The following ZMYM5 variants were observed in gnomAD, a reference collection of about 807,000 sequenced individuals.
ZMYM5 encodes the protein zinc finger MYM-type containing 5, also known as zinc finger MYM-type protein 5.
ZMYM5 carries 41 observed loss-of-function variants against 61.8 expected under a neutral mutation model. The observed-to-expected ratio is 0.66, with a 90% CI of 0.52 to 0.86. The LOEUF is 0.86. ZMYM5 is among the 40% of genes least tolerant of loss of function. ZMYM5 has a pLI of 0.00. For missense variants in ZMYM5, 706 were observed against 786.7 expected (o/e 0.90, Z 1.23); for synonymous variants, 257 against 276.4 (o/e 0.93, Z 0.70).
chr13:19,851,447 G>A lies in ZMYM5; in HGVS notation c.494C>T (p.Thr165Ile). The change falls in exon 4 of 8, where the codon ACC becomes ATC. Residue 165 changes from threonine to isoleucine, a missense_variant and splice_region_variant. Physicochemically the swap from Thr to Ile is moderately conservative, Grantham distance 89. Transcript: ENST00000337963. ...FSTSSLSRSK[T>I]KTGVRPFNPG... ...GTTAAAAGGTCTTACTCCAGTCTTG[G>A]TCTGTGGAGTTAAAGATGGGGTGTA... 6.2e-7 allele frequency: 1 copy of A among 1,613,858 alleles called. No individual in the cohort carries two copies. The highest frequency in any genetic ancestry group is 8.5e-7 in the Non-Finnish European group (1 of 1,179,854).
intron 2 of ZMYM5, among the ~76,000 whole-genome samples, chr13:19,862,148 A>T (rs975230222): frequency 2.6e-5 from 4 of 152,292 alleles, no homozygotes; most frequent in Admixed American, 6.5e-5. Context: ...AATTCAAGGC[A>T]CTTAAAAGAG....
chr13:19,838,659 G>C, intron 5 of ZMYM5, 41 bp downstream of exon 5: 1 of 1,598,672 alleles, frequency 6.3e-7, no homozygotes, highest in Non-Finnish European at 8.6e-7. Flanking sequence ...TATACCATTA[G>C]TATTCAACTA....
chr13:19,824,801 A>C lies in ZMYM5; in HGVS notation c.1686T>G (p.Thr562=). The C allele has an allele frequency of 7.4e-7, 1 of 1,353,654 alleles. No homozygotes were observed. The highest frequency in any genetic ancestry group is 9.9e-7 in the Non-Finnish European group (1 of 1,014,058). 83.9% of individuals were successfully genotyped at this position (1,353,654 alleles called of 1,614,324 possible). A position where few individuals can be genotyped will look rare whatever the true frequency, so the allele number is the denominator to read the frequency against. The part of the protein sequence containing the change: ...KDNTGRKFSE[T]YYTRILPNGE... The stretch of plus-strand genomic sequence containing the variant: ...CATTTGGAAGAATCCGTGTATAATA[A>C]GTTTCTGAAAACTTCCTCCCTGTAT... Residue 562 remains threonine, a synonymous_variant, in exon 8 of 8, where the codon ACT becomes ACG. Transcript: ENST00000337963.
At chr13:19,850,625 T>TA (rs1285216953) in intron 4 of ZMYM5, among the ~76,000 whole-genome samples, 1 of 151,596 alleles carries the variant, frequency 6.6e-6, no homozygotes, top group South Asian at 2.1e-4. Flanking sequence ...AATAAATAAA[T>TA]AAAAACTAAA....
chr13:19,841,081 C>G (rs1952862155), intron 4 of ZMYM5, among the ~76,000 whole-genome samples: 1 of 150,740 alleles, frequency 6.6e-6, no homozygotes, highest in African/African-American at 2.4e-5. Flanking sequence ...CTCCTTGCCT[C>G]AGGCTCCCAA....
intron 4 of ZMYM5, among the ~76,000 whole-genome samples, chr13:19,847,642 C>CTT (rs61154366): frequency 5.0e-5 from 7 of 140,782 alleles, no homozygotes; most frequent in Admixed American, 1.4e-4. Flanking sequence ...TTTAATTTTT[C>CTT]TTTTTTTTTT....
rs1411703899 is a variant in ZMYM5 at position 19,824,684 on chromosome 13, AT to A, written c.1802del (p.Asn601IlefsTer3). The stretch of plus-strand genomic sequence containing the variant: ...TGCACCCATTTTCATTTTTCAGTTG[AT>A]TTTTTCCTTCCCCAAAGAGTTTGCA... ...LYCKLFGEGK[N>X]QLKNENGCKD... is the part of the protein sequence containing the mutation. On this transcript the variant is annotated frameshift_variant, in exon 8 of 8. Coordinates refer to ENST00000337963, the MANE Select transcript of ZMYM5 (RefSeq NM_001142684.2). LOFTEE classifies it high-confidence loss of function. 7.5e-7 allele frequency: 1 copy of A among 1,341,516 alleles called. No homozygotes were observed. The highest frequency in any genetic ancestry group is 2.1e-5 in the Admixed American group (1 of 46,758). 83.1% of individuals were successfully genotyped at this position (1,341,516 alleles called of 1,614,324 possible).
intron 1 of ZMYM5, 94 bp from the exon 2 acceptor site, chr13:19,862,560 G>A (rs1275876244): frequency 2.6e-5 from 4 of 152,170 alleles, no homozygotes; most frequent in Admixed American, 6.5e-5. Flanking sequence ...AGAGGCCAAG[G>A]AGTTCCTGGG....
chr13:19,826,792 A>G (rs1301007974), intron 7 of ZMYM5, among the ~76,000 whole-genome samples: 1 of 151,872 alleles, frequency 6.6e-6, no homozygotes, highest in Non-Finnish European at 1.5e-5. Context: ...CCACACAAAA[A>G]CTTAGACCCA....
intron 2 of ZMYM5, among the ~76,000 whole-genome samples, chr13:19,853,299 T>C (rs535091376): frequency 6.6e-6 from 1 of 152,190 alleles, no homozygotes; most frequent in Non-Finnish European, 1.5e-5. Flanking sequence ...CTTAAGCAGA[T>C]GAGAGATAAG....
chr13:19,860,521 T>C (rs1428281240), intron 2 of ZMYM5, among the ~76,000 whole-genome samples: 4 of 151,524 alleles, frequency 2.6e-5, no homozygotes, highest in Non-Finnish European at 1.5e-5. Context: ...CAGGCTGGTC[T>C]TGAACTCTCG....
intron 4 of ZMYM5, among the ~76,000 whole-genome samples, chr13:19,846,724 T>C (rs1455553174): frequency 2.0e-5 from 3 of 151,606 alleles, no homozygotes; most frequent in Non-Finnish European, 4.4e-5. Flanking sequence ...TTTAAACTAA[T>C]AGACCAGTCT....
intron 4 of ZMYM5, among the ~76,000 whole-genome samples, chr13:19,839,755 T>C (rs1275488912): frequency 2.0e-5 from 3 of 152,158 alleles, no homozygotes; most frequent in East Asian, 1.9e-4. Flanking sequence ...ATTGTAGACA[T>C]TAGTACACTT....
At chr13:19,831,897 C>A (rs767869200) in intron 7 of ZMYM5, among the ~76,000 whole-genome samples, 4 of 151,540 alleles carry the variant, frequency 2.6e-5, no homozygotes, top group Non-Finnish European at 5.9e-5. Context: ...GCTCTGTCAC[C>A]CAGGCTGGAG....
intron 7 of ZMYM5, among the ~76,000 whole-genome samples, chr13:19,825,461 T>C (rs9506386): frequency 0.93 from 141,114 of 151,840 alleles, 66,473 homozygotes; most frequent in East Asian, 1. Flanking sequence ...GTCTGGCCAA[T>C]ATGGTGAAAC....
intron 7 of ZMYM5, among the ~76,000 whole-genome samples, chr13:19,827,794 G>A (rs1261281373): frequency 6.6e-6 from 1 of 151,994 alleles, no homozygotes; most frequent in East Asian, 1.9e-4. Flanking sequence ...CACTTTGGGA[G>A]GCTGAGGCGG....
intron 2 of ZMYM5, 106 bp from the exon 3 acceptor site, chr13:19,852,296 C>T (rs1373728187): frequency 1.7e-6 from 2 of 1,203,118 alleles, no homozygotes; most frequent in Non-Finnish European, 1.1e-6. Context: ...TTTTGTGATA[C>T]CTGATATCCA....
chr13:19,830,870 C>T (rs1233473606), intron 7 of ZMYM5, among the ~76,000 whole-genome samples: 3 of 144,934 alleles, frequency 2.1e-5, no homozygotes, highest in African/African-American at 5.1e-5. Context: ...GACAGAGTCT[C>T]GCACTGTCCC....
Position 19,852,011 on chromosome 13 carries a change from T to A in ZMYM5, c.170A>T (p.Asp57Val), listed in dbSNP as rs749800792. The A allele has an allele frequency of 8.7e-6, 14 of 1,613,820 alleles. No homozygotes were observed. The highest frequency in any genetic ancestry group is 1.6e-4 in the Middle Eastern group (1 of 6,082). ...RNSPVEDDDD[D>V]DDVVFIESIQ... ...AGATTCAATAAACACAACATCATCA[T>A]CATCATCATCATCTTCCACTGGTGA... The change falls in exon 3 of 8, where the codon GAT becomes GTT. Residue 57 changes from aspartate to valine, a missense_variant. Around this residue, in one of 2 missense-constraint regions of ZMYM5, gnomAD observed 480 missense variants for 461.7 expected, o/e 1.04. Coordinates refer to ENST00000337963, the MANE Select transcript of ZMYM5 (RefSeq NM_001142684.2).
Sources: allele counts gnomAD v4.1 joint callset (sites outside exome capture counted in the v4.1 genomes callset), GRCh38; gene constraint gnomAD v4.1.1; regional missense constraint gnomAD v4.1.1; transcripts MANE v1.5; gene names NCBI Gene and HGNC (gene_info 2026-07-23, HGNC 2026-07-21).